Variants in TXNRD3 observed in about 807,000 individuals in gnomAD.
The protein encoded by TXNRD3 is TXNRD3 neighbor gene protein.
Under a neutral mutation model 78.2 loss-of-function variants are expected in TXNRD3, and 68 were observed. The observed-to-expected ratio is 0.87, with a 90% confidence interval of 0.72 to 1.06. The LOEUF (loss-of-function observed/expected upper bound fraction) is 1.06. Among genes scored for constraint, TXNRD3 ranks in the 50% least tolerant of loss-of-function variants. TXNRD3 has a pLI of 0.00. For missense variants in TXNRD3, 751 were observed against 809.5 expected (o/e 0.93, Z 0.88); for synonymous variants, 296 against 300.1 (o/e 0.99, Z 0.14).
chr3:126,623,851 C>CAAAAAAAAAAAAAAAAAAAAAAA (rs758992893), intron 10 of TXNRD3, among the ~76,000 whole-genome samples: 1 of 89,758 alleles, frequency 1.1e-5, no homozygotes, highest in African/African-American at 3.9e-5. Context: ...TGAAACAAGG[C>CAAAAAAAAAAAAAAAAAAAAAAA]CAAAAAAAAA....
intron 13 of TXNRD3, among the ~76,000 whole-genome samples, chr3:126,614,638 C>T (rs1938270917): frequency 6.6e-6 from 1 of 152,126 alleles, no homozygotes; most frequent in Admixed American, 6.5e-5. Context: ...ATTTCCCCAG[C>T]ACCAGAAATT....
chr3:126,616,807 G>A (rs1938330081), intron 12 of TXNRD3, among the ~76,000 whole-genome samples: 1 of 152,054 alleles, frequency 6.6e-6, no homozygotes. Context: ...ATCAATGAGA[G>A]GATTTGCATA....
intron 12 of TXNRD3, among the ~76,000 whole-genome samples, chr3:126,620,222 G>A (rs1938417005): frequency 6.6e-6 from 1 of 150,826 alleles, no homozygotes; most frequent in Admixed American, 6.6e-5. Context: ...ATGAACCCAG[G>A]AGGCGGAGCT....
At chr3:126,624,971 T>C in intron 10 of TXNRD3, 1 of 185,402 alleles carries the variant, frequency 5.4e-6, no homozygotes, top group South Asian at 1.1e-4. Flanking sequence ...TTAATAGGCA[T>C]GTGGAAGAGT....
rs1938113839 is a variant in TXNRD3, at chr3:126,608,496, T to C, written c.1863+3A>G. ...CCAATTTTTAAAACCTCCTGTTTCC[T>C]ACCTCCCCACATGTGGGGTGAATTC... On this transcript the variant is annotated splice_donor_region_variant and intron_variant, in intron 15 of 15. Coordinates refer to ENST00000524230, the MANE Select transcript of TXNRD3 (RefSeq NM_052883.3). The C allele has an allele frequency of 1.3e-6, 2 of 1,526,700 alleles. No individual in the cohort carries two copies. Among genetic ancestry groups the C allele is most frequent in the South Asian group, 2.4e-5 (2 of 81,734 alleles). 94.6% of individuals were successfully genotyped at this position (1,526,700 alleles called of 1,614,324 possible).
chr3:126,618,440 G>C (rs1396454988), intron 12 of TXNRD3, among the ~76,000 whole-genome samples: 2 of 152,070 alleles, frequency 1.3e-5, no homozygotes. Context: ...ATTAATTTTT[G>C]ACAAAGGAAC....
chr3:126,624,368 C>G (rs529939048), intron 10 of TXNRD3, among the ~76,000 whole-genome samples: 10 of 151,918 alleles, frequency 6.6e-5, no homozygotes, highest in Non-Finnish European at 1.2e-4. Flanking sequence ...GGGGAAAGGA[C>G]AGACAAACGG....
At chr3:126,610,537 G>C (rs1168854604) in intron 14 of TXNRD3, among the ~76,000 whole-genome samples, 3 of 152,168 alleles carry the variant, frequency 2.0e-5, no homozygotes, top group African/African-American at 7.2e-5. Context: ...AGTAAGTCAA[G>C]TTTCACTTTG....
intron 11 of TXNRD3, 25 bp from the exon 12 acceptor site, chr3:126,621,923 A>AT: frequency 6.8e-7 from 1 of 1,479,732 alleles, no homozygotes; most frequent in East Asian, 2.5e-5. Flanking sequence ...AATGGGAAAA[A>AT]ATATATATTA....
intron 6 of TXNRD3, among the ~76,000 whole-genome samples, chr3:126,640,300 G>T (rs1933041077): frequency 4.1e-5 from 1 of 24,530 alleles, no homozygotes; most frequent in African/African-American, 8.0e-5. Context: ...GTAGAGACGG[G>T]GTTTCACCGT....
chr3:126,636,249 A>G lies in TXNRD3; in HGVS notation c.713-2198T>C, dbSNP rs1233962482. 2.0e-5 allele frequency among the ~76,000 whole-genome samples: 3 copies of G among 152,204 alleles called. No individual in the cohort carries two copies. In the East Asian group the frequency reaches 5.8e-4, roughly 29 times the overall value. On this transcript the variant is annotated intron_variant, in intron 6 of 15. Transcript: ENST00000524230. ...TCTAATATTTCTTGTTTAATCTTTTATATATTCTATGTATGTTGTATATAA... is the reference window on the plus strand; with the variant it reads ...TCTAATATTTCTTGTTTAATCTTTTGTATATTCTATGTATGTTGTATATAA...
At chr3:126,639,859 G>T (rs1320582761) in intron 6 of TXNRD3, among the ~76,000 whole-genome samples, 1 of 152,116 alleles carries the variant, frequency 6.6e-6, no homozygotes, top group Non-Finnish European at 1.5e-5. Context: ...CTCCCAAAGT[G>T]CTGGGATTAT....
chr3:126,655,106 A>G lies in TXNRD3; in HGVS notation c.-116T>C. On this transcript the variant is annotated 5_prime_UTR_variant, in exon 1 of 16. Coordinates refer to ENST00000524230, the MANE Select transcript of TXNRD3 (RefSeq NM_052883.3). ...AACGCTGCCCTCGCTGGCCACTCTC[A>G]CCACCCGCGCGAATCCGCGAGGCAG... is the stretch of plus-strand genomic sequence containing the variant. 6 of 1,297,180 alleles carry G rather than the reference A, an allele frequency of 4.6e-6. No homozygotes were observed. The highest frequency in any genetic ancestry group is 4.9e-6 in the Non-Finnish European group (5 of 1,021,602). The allele number at this position is 1,297,180 out of a possible 1,614,324, so 80.4% of individuals were successfully genotyped here. A position where few individuals can be genotyped will look rare whatever the true frequency, so the allele number is the denominator to read the frequency against.
rs1474761756 is a variant in TXNRD3, at chr3:126,654,878, G to A, written c.113C>T (p.Ala38Val). The A allele has an allele frequency of 6.8e-6, 9 of 1,329,940 alleles. No individual in the cohort carries two copies. The Admixed American group carries it at 2.5e-4, about 37-fold the overall frequency. 82.4% of individuals were successfully genotyped at this position (1,329,940 alleles called of 1,614,324 possible). ...GCTGGGCCCGGGGGACGACAGGCGGGCACGGCGCCCCGGCGGCGACAACAC... is the reference window on the plus strand; with the variant it reads ...GCTGGGCCCGGGGGACGACAGGCGGACACGGCGCCCCGGCGGCGACAACAC... The change falls in exon 1 of 16, where the codon GCC becomes GTC. Residue 38 changes from alanine (A) to valine (V), a missense_variant. Physicochemically the swap from Ala to Val is moderately conservative, Grantham distance 64. Transcript: ENST00000524230.
chr3:126,632,787 A>G (rs1480912107), intron 7 of TXNRD3, among the ~76,000 whole-genome samples: 4 of 152,168 alleles, frequency 2.6e-5, no homozygotes, highest in African/African-American at 9.7e-5. Context: ...GGGATGGAGA[A>G]CAGAGCCTGG....
intron 14 of TXNRD3, among the ~76,000 whole-genome samples, chr3:126,610,805 A>T (rs1167492171): frequency 6.6e-6 from 1 of 152,156 alleles, no homozygotes; most frequent in Non-Finnish European, 1.5e-5. Flanking sequence ...GACAACGTGG[A>T]GGTGCTCTGC....
chr3:126,651,299 T>C (rs1369470720), intron 1 of TXNRD3, among the ~76,000 whole-genome samples: 2 of 152,130 alleles, frequency 1.3e-5, no homozygotes, highest in Admixed American at 6.5e-5. Flanking sequence ...GAAGCAAGGT[T>C]CTTAATTCTG....
At chr3:126,629,310 C>T in intron 10 of TXNRD3, 69 bp downstream of exon 10, 1 of 1,090,476 alleles carries the variant, frequency 9.2e-7, no homozygotes, top group Non-Finnish European at 1.3e-6. Flanking sequence ...TATAATTTTC[C>T]CATAAGTTTC....
chr3:126,607,257 A>G lies in TXNRD3; in HGVS notation c.*648T>C, dbSNP rs559725090. 6.6e-6 allele frequency: 1 copy of G among 152,448 alleles called. No homozygotes were observed. Among genetic ancestry groups the G allele is most frequent in the East Asian group, 1.9e-4 (1 of 5,184 alleles). The allele number at this position is 152,448 out of a possible 1,614,324, so 9.4% of individuals were successfully genotyped here. On this transcript the variant is annotated 3_prime_UTR_variant, in exon 16 of 16. Coordinates refer to ENST00000524230, the MANE Select transcript of TXNRD3 (RefSeq NM_052883.3). ...CTCGAGATATTAATTAGGGGAGAAT[A>G]GCTTCAAGGTTATCACCACCAAGTA...
Sources: gnomAD v4.1 joint callset for allele counts (sites outside exome capture counted in the v4.1 genomes callset) on GRCh38, gnomAD v4.1.1 for gene constraint, MANE v1.5 for transcripts, NCBI Gene and HGNC (gene_info 2026-07-23, HGNC 2026-07-21) for gene names.